PRSS3: variants seen among roughly 807,000 people sequenced by gnomAD.
PRSS3 encodes the protein serine protease 3.
In PRSS3, 14 loss-of-function variants were observed where a neutral mutation model predicts 20.8. The ratio of observed to expected loss-of-function variants is 0.67; its 90% CI spans 0.44 to 1.05. PRSS3 has a LOEUF of 1.05. Among genes scored for constraint, PRSS3 ranks in the 50% least tolerant of loss-of-function variants. PRSS3 has a pLI of 0.00. For synonymous variants in PRSS3, 91 were observed against 117.6 expected, an observed-to-expected ratio of 0.77 and a Z score of 1.46; for missense variants, 237 against 306.4, an observed-to-expected ratio of 0.77 and a Z score of 1.69.
chr9:33,773,800 G>A (rs1040429014), intron 1 of PRSS3, among the ~76,000 whole-genome samples: 4 of 151,206 alleles, frequency 2.6e-5, no homozygotes, highest in African/African-American at 7.4e-5. Context: ...GCCCTTCCAT[G>A]CCCAGCTAAT....
chr9:33,779,575 A>G (rs1398858857), intron 1 of PRSS3, among the ~76,000 whole-genome samples: 1 of 152,198 alleles, frequency 6.6e-6, no homozygotes, highest in East Asian at 1.9e-4. Flanking sequence ...AATTTAAAAA[A>G]TGAACAAAAC....
chr9:33,786,520 G>A, intron 1 of PRSS3: 2 of 761,118 alleles, frequency 2.6e-6, no homozygotes, highest in Non-Finnish European at 4.8e-6. Context: ...ATATCTCTCT[G>A]GAACTAGGCT....
At chr9:33,795,749 TC>T in intron 1 of PRSS3, 136 bp downstream of exon 1, 4 of 977,358 alleles carry the variant, frequency 4.1e-6, no homozygotes, top group Non-Finnish European at 5.9e-6. Flanking sequence ...CTCCTTCCCA[TC>T]CTCCTTGGGC....
intron 1 of PRSS3, chr9:33,786,162 G>C (rs1024957535): frequency 2.2e-6 from 1 of 447,060 alleles, no homozygotes; most frequent in Non-Finnish European, 4.0e-6. Context: ...AGGAAGGAAA[G>C]ATGAACTTGA....
At chr9:33,793,211 G>T (rs1266247910), upstream of PRSS3, among the ~76,000 whole-genome samples, 1 of 134,960 alleles carries the variant, frequency 7.4e-6, no homozygotes, top group Non-Finnish European at 1.6e-5. Flanking sequence ...CACAAGCACT[G>T]ATCCAAAAAT....
chr9:33,794,788 CA>C (rs1403451366), upstream of PRSS3: 2 of 1,550,706 alleles, frequency 1.3e-6, no homozygotes, highest in Non-Finnish European at 1.7e-6. Flanking sequence ...GAACCTATGA[CA>C]GGATGCACAT....
At chr9:33,798,732 C>A in intron 4 of PRSS3, 110 bp downstream of exon 4, 1 of 1,515,114 alleles carries the variant, frequency 6.6e-7, no homozygotes, top group South Asian at 1.2e-5. Context: ...CTGCAGTGCT[C>A]CCATGGAGAA....
intron 1 of PRSS3, among the ~76,000 whole-genome samples, chr9:33,777,625 G>C (rs1452834999): frequency 6.7e-6 from 1 of 149,682 alleles, no homozygotes; most frequent in East Asian, 1.9e-4. Context: ...GGAAAATGGC[G>C]TGAACCCGGG....
upstream of PRSS3, chr9:33,795,432 C>T: frequency 8.3e-7 from 1 of 1,207,560 alleles, no homozygotes; most frequent in Admixed American, 1.9e-5. Context: ...CGAGCTGATG[C>T]AAGACCCTGG....
chr9:33,766,246 A>C (rs1823408654), intron 1 of PRSS3, among the ~76,000 whole-genome samples: 1 of 122,838 alleles, frequency 8.1e-6, no homozygotes, highest in Non-Finnish European at 1.6e-5. Flanking sequence ...CCTGGGCAAC[A>C]GAGCCAGATT....
chr9:33,784,132 A>G (rs1824287895), intron 1 of PRSS3, among the ~76,000 whole-genome samples: 2 of 152,178 alleles, frequency 1.3e-5, no homozygotes, highest in African/African-American at 4.8e-5. Flanking sequence ...AAAAATCTAG[A>G]GACTACTGCA....
chr9:33,779,641 G>A (rs1342943039), intron 1 of PRSS3, among the ~76,000 whole-genome samples: 3 of 152,016 alleles, frequency 2.0e-5, no homozygotes, highest in Non-Finnish European at 4.4e-5. Context: ...GGCCGAGGCC[G>A]GCAGATCACG....
chr9:33,758,124 C>T lies in PRSS3; in HGVS notation c.-53+7397C>T, dbSNP rs1344962679. Among the ~76,000 whole-genome samples, 6 of 152,256 alleles carry T rather than the reference C, an allele frequency of 3.9e-5. No homozygotes were observed. The East Asian group carries it at 9.7e-4, about 25-fold the overall frequency. The stretch of plus-strand genomic sequence containing the variant: ...CTTCCTTCCAGTGTCTTTGATCGGC[C>T]TCTACTTTGATCCAGAGCTTCTCTT... On this transcript the variant is annotated intron_variant, in intron 1 of 5. Coordinates refer to the PRSS3 transcript ENST00000342836.
At chr9:33,794,952 C>T (rs1423854997), upstream of PRSS3, 2 of 1,518,300 alleles carry the variant, frequency 1.3e-6, no homozygotes, top group South Asian at 1.3e-5. Context: ...GAAGGAGAGC[C>T]ATCTGGAAGC....
At chr9:33,793,148 A>G (rs541463575), upstream of PRSS3, among the ~76,000 whole-genome samples, 5 of 152,252 alleles carry the variant, frequency 3.3e-5, no homozygotes, top group Non-Finnish European at 7.3e-5. Context: ...TTCAAGCTCT[A>G]GATACAGAAA....
chr9:33,781,209 A>G (rs1279016467), intron 1 of PRSS3, among the ~76,000 whole-genome samples: 1 of 152,256 alleles, frequency 6.6e-6, no homozygotes, highest in Non-Finnish European at 1.5e-5. Context: ...AAAGGAAACT[A>G]GATCATTATA....
chr9:33,793,732 G>T, upstream of PRSS3: 1 of 944,252 alleles, frequency 1.1e-6, no homozygotes, highest in African/African-American at 1.8e-5. Flanking sequence ...GGTGAGCTCT[G>T]CCAAGATCTG....
intron 1 of PRSS3, among the ~76,000 whole-genome samples, chr9:33,777,335 T>C (rs1443306432): frequency 3.3e-5 from 5 of 151,718 alleles, no homozygotes; most frequent in African/African-American, 1.2e-4. Flanking sequence ...AGTTGGAAGC[T>C]TGGATTGTGA....
At chr9:33,780,725 A>C (rs921622750) in intron 1 of PRSS3, among the ~76,000 whole-genome samples, 9 of 152,220 alleles carry the variant, frequency 5.9e-5, no homozygotes, top group Admixed American at 1.3e-4. Flanking sequence ...CAAGCAAATG[A>C]AAAACAAAAA....
Sources: allele counts gnomAD v4.1 joint callset (sites outside exome capture counted in the v4.1 genomes callset), GRCh38; gene constraint gnomAD v4.1.1; transcripts MANE v1.5; gene names NCBI Gene and HGNC (gene_info 2026-07-23, HGNC 2026-07-21).